The following FRMD4A variants were observed in gnomAD, a reference collection of about 807,000 sequenced individuals.
FRMD4A encodes FERM domain containing 4A.
FRMD4A carries 29 observed loss-of-function variants against 129.1 expected under a neutral mutation model. The observed-to-expected ratio is 0.22, with a 90% CI of 0.17 to 0.31. FRMD4A has a LOEUF of 0.31. Ranked by LOEUF, FRMD4A falls within the 10% of genes least tolerant of loss-of-function variation. The pLI is 1.00. For synonymous variants in FRMD4A, 634 were observed against 571.6 expected, an observed-to-expected ratio of 1.11 and a Z score of -1.56; for missense variants, 1,272 against 1,375.8, an observed-to-expected ratio of 0.92 and a Z score of 1.19.
At chr10:14,032,797 G>A (rs1336243471) in intron 2 of FRMD4A, among the ~76,000 whole-genome samples, 9 of 152,180 alleles carry the variant, frequency 5.9e-5, no homozygotes, top group Admixed American at 5.9e-4. Flanking sequence ...TAAAAGGCGG[G>A]GGACATCCTG....
At chr10:13,749,459 T>G (rs1047750031) in intron 8 of FRMD4A, among the ~76,000 whole-genome samples, 2 of 152,106 alleles carry the variant, frequency 1.3e-5, no homozygotes, top group Non-Finnish European at 2.9e-5. Flanking sequence ...GGTGCTTGGA[T>G]GGTGGACACT....
At chr10:14,234,408 T>G (rs1843733975) in intron 2 of FRMD4A, among the ~76,000 whole-genome samples, 1 of 152,208 alleles carries the variant, frequency 6.6e-6, no homozygotes, top group African/African-American at 2.4e-5. Flanking sequence ...AGCAACTTTC[T>G]CTTCTCCATT....
At chr10:14,018,873 T>C (rs1263829508) in intron 2 of FRMD4A, among the ~76,000 whole-genome samples, 1 of 152,118 alleles carries the variant, frequency 6.6e-6, no homozygotes, top group Non-Finnish European at 1.5e-5. Flanking sequence ...TGCCTGAACA[T>C]TTTGACCTGG....
At chr10:14,290,049 A>C (rs1845803673) in intron 2 of FRMD4A, among the ~76,000 whole-genome samples, 1 of 152,104 alleles carries the variant, frequency 6.6e-6, no homozygotes. Flanking sequence ...AGTTTAACTA[A>C]AGAGATGAAA....
At chr10:14,217,466 C>G (rs1251520759) in intron 2 of FRMD4A, among the ~76,000 whole-genome samples, 6 of 152,210 alleles carry the variant, frequency 3.9e-5, no homozygotes, top group Non-Finnish European at 8.8e-5. Context: ...TCCACTCTCT[C>G]TTGTCTGCTG....
chr10:14,303,831 T>C (rs1846262227), intron 2 of FRMD4A, among the ~76,000 whole-genome samples: 1 of 152,216 alleles, frequency 6.6e-6, no homozygotes, highest in Non-Finnish European at 1.5e-5. Context: ...TATCATGGTT[T>C]ATTATTCTCT....
At chr10:13,723,329 C>A (rs939189280) in intron 12 of FRMD4A, among the ~76,000 whole-genome samples, 13 of 152,186 alleles carry the variant, frequency 8.5e-5, no homozygotes, top group Non-Finnish European at 1.5e-4. Flanking sequence ...GTAGTGGTAT[C>A]TTGGTTTGGA....
At chr10:13,702,786 C>A (rs1483299500) in intron 13 of FRMD4A, among the ~76,000 whole-genome samples, 1 of 151,250 alleles carries the variant, frequency 6.6e-6, no homozygotes, top group Non-Finnish European at 1.5e-5. Context: ...GGGCGGGGGT[C>A]GGGGGTGCTA....
chr10:14,107,684 C>G (rs1837658518), intron 2 of FRMD4A, among the ~76,000 whole-genome samples: 1 of 152,098 alleles, frequency 6.6e-6, no homozygotes, highest in Non-Finnish European at 1.5e-5. Flanking sequence ...CATATCTTCC[C>G]TTTTCTAGAA....
chr10:14,171,402 A>T (rs901603503), intron 2 of FRMD4A, among the ~76,000 whole-genome samples: 3 of 152,216 alleles, frequency 2.0e-5, no homozygotes, highest in African/African-American at 7.2e-5. Context: ...AATCCAGCCA[A>T]AAGCCAAAGC....
intron 2 of FRMD4A, among the ~76,000 whole-genome samples, chr10:14,133,623 A>G (rs1284470326): frequency 6.6e-6 from 1 of 152,166 alleles, no homozygotes; most frequent in Non-Finnish European, 1.5e-5. Context: ...TGCTGGCTGG[A>G]GGAGGAAGGA....
At chr10:13,856,917 T>C (rs1174585202) in intron 3 of FRMD4A, among the ~76,000 whole-genome samples, 2 of 152,194 alleles carry the variant, frequency 1.3e-5, no homozygotes. Flanking sequence ...GAAAAGCATG[T>C]AAAATACACC....
chr10:14,068,923 T>G (rs1366376771), intron 2 of FRMD4A, among the ~76,000 whole-genome samples: 1 of 134,402 alleles, frequency 7.4e-6, no homozygotes, highest in Admixed American at 7.9e-5. Flanking sequence ...TCCCTCTCCC[T>G]CTCTTTCTCT....
intron 2 of FRMD4A, among the ~76,000 whole-genome samples, chr10:14,227,948 A>G (rs1843503012): frequency 6.6e-6 from 1 of 151,974 alleles, no homozygotes. Flanking sequence ...ATCTTGGCTC[A>G]CTGCAACTTC....
At chr10:13,740,105 A>T (rs915014963) in intron 11 of FRMD4A, 89 bp downstream of exon 11, 25 of 835,874 alleles carry the variant, frequency 3.0e-5, no homozygotes, top group Non-Finnish European at 4.7e-5. Context: ...TCTCAAAAGA[A>T]AAAGAAAAAG....
intron 2 of FRMD4A, among the ~76,000 whole-genome samples, chr10:14,044,647 C>A (rs1025679911): frequency 6.6e-6 from 1 of 152,218 alleles, no homozygotes; most frequent in Admixed American, 6.5e-5. Context: ...TTCTCCTGAG[C>A]CTTCAGAGGC....
intron 15 of FRMD4A, chr10:13,693,607 G>T: frequency 1.3e-6 from 1 of 799,642 alleles, no homozygotes; most frequent in Non-Finnish European, 1.8e-6. Flanking sequence ...CATGGGGATT[G>T]TGAAACGCTC....
At chr10:13,953,255 C>T (rs1291984695) in intron 2 of FRMD4A, among the ~76,000 whole-genome samples, 1 of 152,160 alleles carries the variant, frequency 6.6e-6, no homozygotes, top group African/African-American at 2.4e-5. Context: ...TTCTCATCTA[C>T]CCTTAGCTTG....
At chr10:13,997,323 G>T (rs1050032962) in intron 2 of FRMD4A, among the ~76,000 whole-genome samples, 15 of 152,178 alleles carry the variant, frequency 9.9e-5, no homozygotes, top group African/African-American at 3.6e-4. Flanking sequence ...CACCCCAAGA[G>T]TCTCTACCAT....
Sources: gnomAD v4.1 joint callset for allele counts (sites outside exome capture counted in the v4.1 genomes callset) on GRCh38, gnomAD v4.1.1 for gene constraint, MANE v1.5 for transcripts, NCBI Gene and HGNC (gene_info 2026-07-23, HGNC 2026-07-21) for gene names.